The following KCNH8 variants were observed in gnomAD, a reference collection of about 807,000 sequenced individuals.
KCNH8 encodes the protein potassium voltage-gated channel subfamily H member 8.
Under a neutral mutation model 103.6 loss-of-function variants are expected in KCNH8, and 70 were observed. The observed-to-expected ratio is 0.68, with a 90% CI of 0.56 to 0.82. The LOEUF is 0.82. Among genes scored for constraint, KCNH8 ranks in the 40% least tolerant of loss-of-function variants. The probability of loss-of-function intolerance (pLI) is 0.00; values close to 1 mark genes in which losing one functional copy is unlikely to be tolerated. For synonymous variants in KCNH8, 498 were observed against 489.4 expected, an observed-to-expected ratio of 1.02 and a Z score of -0.23; for missense variants, 1,217 against 1,329.9, an observed-to-expected ratio of 0.92 and a Z score of 1.32.
At chr3:19,221,450 A>G (rs1204991475) in intron 1 of KCNH8, among the ~76,000 whole-genome samples, 2 of 152,134 alleles carry the variant, frequency 1.3e-5, no homozygotes, top group Non-Finnish European at 2.9e-5. Context: ...TAATAAAGCC[A>G]TTATGTTATT....
chr3:19,358,519 A>G (rs1287312508), intron 5 of KCNH8, among the ~76,000 whole-genome samples: 1 of 151,986 alleles, frequency 6.6e-6, no homozygotes, highest in African/African-American at 2.4e-5. Flanking sequence ...AAAATTTGAA[A>G]TGAAAATTGA....
intron 1 of KCNH8, among the ~76,000 whole-genome samples, chr3:19,170,811 T>TA (rs1491342985): frequency 0.063 from 4,615 of 73,400 alleles, 136 homozygotes; most frequent in Non-Finnish European, 0.072. Context: ...TATATATATA[T>TA]TTTTTTTTTT....
chr3:19,407,459 C>CTCCA (rs2066709673), intron 7 of KCNH8, among the ~76,000 whole-genome samples: 1 of 152,126 alleles, frequency 6.6e-6, no homozygotes, highest in Non-Finnish European at 1.5e-5. Flanking sequence ...CTACGCAGAT[C>CTCCA]TCCAGTAAGT....
chr3:19,330,648 A>G (rs2065492738), intron 3 of KCNH8, among the ~76,000 whole-genome samples: 1 of 152,222 alleles, frequency 6.6e-6, no homozygotes, highest in South Asian at 2.1e-4. Flanking sequence ...AAGGAGTAGG[A>G]AAACCAAAAT....
intron 1 of KCNH8, among the ~76,000 whole-genome samples, chr3:19,190,058 A>G (rs925515462): frequency 5.9e-5 from 9 of 151,988 alleles, no homozygotes; most frequent in African/African-American, 2.2e-4. Flanking sequence ...AAGGGAGACA[A>G]AATACCTTTG....
At chr3:19,457,190 T>C (rs978955376) in intron 11 of KCNH8, among the ~76,000 whole-genome samples, 1 of 152,048 alleles carries the variant, frequency 6.6e-6, no homozygotes, top group Non-Finnish European at 1.5e-5. Context: ...ATATTTTTCA[T>C]GAATGACTTC....
rs568177755 is a variant in KCNH8, at chr3:19,196,693, T to C, written c.76+47898T>C. On this transcript the variant is annotated intron_variant, in intron 1 of 15. Coordinates refer to ENST00000328405, the MANE Select transcript of KCNH8 (RefSeq NM_144633.3). ...CTTTCTCCGCCGTGGAAGAACCCAGTTTTTAGTCTATTTGTGTGGTTCTCT... is the reference window on the plus strand; with the variant it reads ...CTTTCTCCGCCGTGGAAGAACCCAGCTTTTAGTCTATTTGTGTGGTTCTCT... Among the ~76,000 whole-genome samples the C allele has an allele frequency of 1.4e-4, 22 of 152,142 alleles. No individual in the cohort carries two copies. In the East Asian group the frequency reaches 2.9e-3, roughly 20 times the overall value.
At chr3:19,155,671 G>A (rs1163620794) in intron 1 of KCNH8, among the ~76,000 whole-genome samples, 1 of 152,058 alleles carries the variant, frequency 6.6e-6, no homozygotes, top group African/African-American at 2.4e-5. Flanking sequence ...TCATGGTTTT[G>A]GGACTCTGCT....
chr3:19,158,068 A>T (rs967914847), intron 1 of KCNH8, among the ~76,000 whole-genome samples: 1 of 151,446 alleles, frequency 6.6e-6, no homozygotes, highest in African/African-American at 2.4e-5. Flanking sequence ...TTTTTAAAAC[A>T]TATCCCATAT....
chr3:19,236,493 C>A (rs1363217045), intron 1 of KCNH8, among the ~76,000 whole-genome samples: 2 of 151,318 alleles, frequency 1.3e-5, no homozygotes, highest in Non-Finnish European at 3.0e-5. Flanking sequence ...ATGTACACTG[C>A]GTGGTGTATG....
At chr3:19,258,668 T>C (rs535114365) in intron 2 of KCNH8, among the ~76,000 whole-genome samples, 1 of 151,922 alleles carries the variant, frequency 6.6e-6, no homozygotes, top group Non-Finnish European at 1.5e-5. Context: ...TTGAACTTTA[T>C]CACATTCAGA....
intron 10 of KCNH8, among the ~76,000 whole-genome samples, chr3:19,456,480 CATA>C (rs1465861706): frequency 4.6e-5 from 7 of 152,060 alleles, no homozygotes; most frequent in South Asian, 2.1e-4. Context: ...GGCCATTTGT[CATA>C]ATAACATTCC....
rs113525093 is a variant in KCNH8, at chr3:19,190,488, T to A, written c.76+41693T>A. On this transcript the variant is annotated intron_variant, in intron 1 of 15. Coordinates refer to ENST00000328405, the MANE Select transcript of KCNH8 (RefSeq NM_144633.3). Reference sequence around the variant, plus strand: ...TTTTGAAAGCTGTAAACAGCCCAGGTGAAATTAATTCGACTGTTGATGAGT... The same window carrying A: ...TTTTGAAAGCTGTAAACAGCCCAGGAGAAATTAATTCGACTGTTGATGAGT... 2.5e-3 allele frequency among the ~76,000 whole-genome samples: 380 copies of A among 152,118 alleles called. 3 individuals carry two copies. The highest frequency in any genetic ancestry group is 8.3e-3 in the African/African-American group (345 of 41,528).
At chr3:19,150,387 C>G (rs898488604) in intron 1 of KCNH8, among the ~76,000 whole-genome samples, 6 of 151,886 alleles carry the variant, frequency 4.0e-5, no homozygotes, top group African/African-American at 1.5e-4. Flanking sequence ...AACTAAAAGG[C>G]TGTAAACATT....
intron 3 of KCNH8, among the ~76,000 whole-genome samples, chr3:19,325,675 C>CA (rs1406435988): frequency 6.6e-6 from 1 of 152,002 alleles, no homozygotes; most frequent in African/African-American, 2.4e-5. Context: ...TGTGAAATGT[C>CA]AAAAAGTAAC....
In KCNH8 at chr3:19,287,107, C is replaced by CA. The variant is rs201704391; in HGVS notation, c.442+5789dup. 7.2e-3 allele frequency among the ~76,000 whole-genome samples: 910 copies of CA among 126,510 alleles called. 8 individuals are homozygous for CA. The highest frequency in any genetic ancestry group is 0.02 in the African/African-American group (683 of 34,852). The allele number at this position is 126,510 out of a possible 152,430, so 83.0% of individuals were successfully genotyped here. Reference sequence around the variant, plus strand: ...AGCCATCAATATATTGATGGTAATGCAAAAAAAAAAAGGTCATAGGTGAGA... The same window carrying CA: ...AGCCATCAATATATTGATGGTAATGCAAAAAAAAAAAAGGTCATAGGTGAGA... On this transcript the variant is annotated intron_variant, in intron 3 of 15. Coordinates refer to ENST00000328405, the MANE Select transcript of KCNH8 (RefSeq NM_144633.3).
chr3:19,407,278 C>A (rs934906543), intron 7 of KCNH8, among the ~76,000 whole-genome samples: 8 of 152,076 alleles, frequency 5.3e-5, no homozygotes, highest in African/African-American at 1.9e-4. Flanking sequence ...AAGTTCATAT[C>A]TTCCCTATCT....
chr3:19,505,475 T>A (rs139542144), intron 11 of KCNH8, among the ~76,000 whole-genome samples: 20 of 152,278 alleles, frequency 1.3e-4, no homozygotes, highest in Admixed American at 5.9e-4. Context: ...TAAAAAAGAA[T>A]GTTGATATAG....
intron 1 of KCNH8, among the ~76,000 whole-genome samples, chr3:19,191,221 T>G (rs2063550528): frequency 6.6e-6 from 1 of 151,854 alleles, no homozygotes; most frequent in Non-Finnish European, 1.5e-5. Flanking sequence ...TGAAAATATA[T>G]TTACAGTTAA....
Sources: gnomAD v4.1 joint callset for allele counts (sites outside exome capture counted in the v4.1 genomes callset) on GRCh38, gnomAD v4.1.1 for gene constraint, MANE v1.5 for transcripts, NCBI Gene and HGNC (gene_info 2026-07-23, HGNC 2026-07-21) for gene names.